Variants in SEPTIN7 observed in about 807,000 individuals in gnomAD.
The protein encoded by SEPTIN7 is septin 7, also known as septin-7.
Under a neutral mutation model 63.3 loss-of-function variants are expected in SEPTIN7, and 10 were observed. The ratio of observed to expected loss-of-function variants is 0.16; its 90% CI spans 0.10 to 0.27. The LOEUF (loss-of-function observed/expected upper bound fraction) is 0.27. SEPTIN7 is among the 10% of genes least tolerant of loss of function. SEPTIN7 has a pLI of 1.00. For missense variants in SEPTIN7, 310 were observed against 521.0 expected, an observed-to-expected ratio of 0.59 and a Z score of 3.94; for synonymous variants, 131 against 165.3, an observed-to-expected ratio of 0.79 and a Z score of 1.59.
chr7:35,817,666 A>G (rs1422729387), intron 1 of SEPTIN7, among the ~76,000 whole-genome samples: 2 of 152,068 alleles, frequency 1.3e-5, no homozygotes, highest in South Asian at 2.1e-4. Flanking sequence ...CTTCCACTCC[A>G]TTAATGCAAA....
At chr7:35,831,432 G>A (rs1330515897) in intron 1 of SEPTIN7, 60 bp from the exon 2 acceptor site, 2 of 436,588 alleles carry the variant, frequency 4.6e-6, no homozygotes, top group African/African-American at 2.1e-5. Context: ...CTGTTCCTCT[G>A]TGGATTTCTT....
At chr7:35,829,013 A>C (rs577261088) in intron 1 of SEPTIN7, among the ~76,000 whole-genome samples, 1 of 151,018 alleles carries the variant, frequency 6.6e-6, no homozygotes, top group South Asian at 2.1e-4. Context: ...ACATCCATAT[A>C]CTTCCTACTT....
chr7:35,873,893 G>T, intron 6 of SEPTIN7, 118 bp downstream of exon 6: 1 of 925,094 alleles, frequency 1.1e-6, no homozygotes, highest in Non-Finnish European at 1.6e-6. Context: ...CCATTATGAA[G>T]TACTAAATTT....
In SEPTIN7 at chr7:35,884,004, T is replaced by C. The variant is rs1562575890; in HGVS notation, c.820+17T>C. 1 of 1,472,974 alleles carries C rather than the reference T, an allele frequency of 6.8e-7. No homozygotes were observed. Among genetic ancestry groups the C allele is most frequent in the Non-Finnish European group, 9.5e-7 (1 of 1,052,052 alleles). 91.2% of individuals were successfully genotyped at this position (1,472,974 alleles called of 1,614,324 possible). A position where few individuals can be genotyped will look rare whatever the true frequency, so the allele number is the denominator to read the frequency against. On this transcript the variant is annotated intron_variant, in intron 9 of 13. Coordinates refer to ENST00000350320, the MANE Select transcript of SEPTIN7 (RefSeq NM_001788.6). ...TTGCTGAAGGTAAGATTTTCTTCAG[T>C]GAATGACTTTCTAAAATATCTCAAA...
At chr7:35,801,689 C>T (rs1787991233) in intron 1 of SEPTIN7, among the ~76,000 whole-genome samples, 1 of 152,156 alleles carries the variant, frequency 6.6e-6, no homozygotes, top group Admixed American at 6.5e-5. Context: ...GCATCCCCGT[C>T]GGCAGAAGTC....
chr7:35,807,392 C>G (rs1339559813), intron 1 of SEPTIN7, among the ~76,000 whole-genome samples: 1 of 123,108 alleles, frequency 8.1e-6, no homozygotes, highest in Non-Finnish European at 1.6e-5. Flanking sequence ...GATGGAGTCT[C>G]TCTGTGTCGC....
At chr7:35,804,838 T>G (rs1281582070) in intron 1 of SEPTIN7, among the ~76,000 whole-genome samples, 1 of 147,492 alleles carries the variant, frequency 6.8e-6, no homozygotes, top group African/African-American at 2.5e-5. Flanking sequence ...TTTTTTTGTT[T>G]TTTTTTTTTT....
At chr7:35,825,374 A>G (rs987785275) in intron 1 of SEPTIN7, among the ~76,000 whole-genome samples, 5 of 152,098 alleles carry the variant, frequency 3.3e-5, no homozygotes, top group African/African-American at 9.7e-5. Context: ...CCTATAAGGA[A>G]CCATACGCTC....
At chr7:35,807,132 G>C (rs1583479318) in intron 1 of SEPTIN7, among the ~76,000 whole-genome samples, 1 of 151,984 alleles carries the variant, frequency 6.6e-6, no homozygotes, top group East Asian at 1.9e-4. Context: ...AGAAAGCTGT[G>C]GTCATGGATG....
intron 1 of SEPTIN7, among the ~76,000 whole-genome samples, chr7:35,822,426 A>G (rs1789482015): frequency 6.6e-6 from 1 of 152,230 alleles, no homozygotes; most frequent in Non-Finnish European, 1.5e-5. Flanking sequence ...GATGGGAGAC[A>G]GTGACAGATC....
chr7:35,823,793 G>GTC (rs924231499), intron 1 of SEPTIN7, among the ~76,000 whole-genome samples: 251 of 152,138 alleles, frequency 1.6e-3, no homozygotes, highest in African/African-American at 5.7e-3. Flanking sequence ...CGTATTCCTA[G>GTC]TCTCTCTCTC....
At chr7:35,896,545 A>G (rs1479851681) in intron 11 of SEPTIN7, among the ~76,000 whole-genome samples, 2 of 152,180 alleles carry the variant, frequency 1.3e-5, no homozygotes, top group African/African-American at 2.4e-5. Context: ...GTGTGTGCTC[A>G]AGAGATCAGA....
chr7:35,801,345 C>A, intron 1 of SEPTIN7, 75 bp downstream of exon 1: 1 of 1,494,242 alleles, frequency 6.7e-7, no homozygotes, highest in Non-Finnish European at 8.9e-7. Context: ...GCCGCTGGAC[C>A]GAGCTAGGGA....
chr7:35,826,748 G>A (rs1783536662), intron 1 of SEPTIN7, among the ~76,000 whole-genome samples: 1 of 151,940 alleles, frequency 6.6e-6, no homozygotes, highest in South Asian at 2.1e-4. Context: ...ATATTTAATA[G>A]TTTTCAAAAT....
chr7:35,898,137 ATAT>A, intron 11 of SEPTIN7, 108 bp from the exon 12 acceptor site: 1 of 702,392 alleles, frequency 1.4e-6, no homozygotes. Context: ...GGTTATAAAT[ATAT>A]TAATAGTGAC....
At chr7:35,817,998 C>T (rs1789188485) in intron 1 of SEPTIN7, among the ~76,000 whole-genome samples, 1 of 151,590 alleles carries the variant, frequency 6.6e-6, no homozygotes, top group South Asian at 2.1e-4. Context: ...CTTTATTTTA[C>T]CAAATGCCTT....
chr7:35,909,511 A>T (rs893894749), downstream of SEPTIN7, among the ~76,000 whole-genome samples: 26 of 152,366 alleles, frequency 1.7e-4, no homozygotes, highest in African/African-American at 6.3e-4. Flanking sequence ...TGATGAACTC[A>T]TCCCACCAAA....
chr7:35,855,405 A>G (rs1169520936), intron 3 of SEPTIN7, among the ~76,000 whole-genome samples: 1 of 152,170 alleles, frequency 6.6e-6, no homozygotes, highest in African/African-American at 2.4e-5. Context: ...TGAAAGTGAA[A>G]TCCTGGGTCA....
intron 3 of SEPTIN7, among the ~76,000 whole-genome samples, chr7:35,849,357 C>T (rs1027827119): frequency 1.3e-5 from 2 of 152,076 alleles, no homozygotes; most frequent in African/African-American, 4.8e-5. Context: ...GATCATCAGG[C>T]ATTATATTCT....
Sources: gnomAD v4.1 joint callset for allele counts (sites outside exome capture counted in the v4.1 genomes callset) on GRCh38, gnomAD v4.1.1 for gene constraint, MANE v1.5 for transcripts, NCBI Gene and HGNC (gene_info 2026-07-23, HGNC 2026-07-21) for gene names.